The following KCNS1 variants were observed in gnomAD, a reference collection of about 807,000 sequenced individuals.
KCNS1 encodes the protein potassium voltage-gated channel modifier subfamily S member 1.
A neutral mutation model predicts 33.1 loss-of-function variants in KCNS1; 26 were observed. The observed-to-expected ratio is 0.79, with a 90% confidence interval of 0.58 to 1.09. The LOEUF (loss-of-function observed/expected upper bound fraction) is 1.09. KCNS1 is among the 50% of genes least tolerant of loss of function. The pLI is 0.00. For synonymous variants in KCNS1, 299 were observed against 338.8 expected (o/e 0.88, Z 1.29); for missense variants, 702 against 752.4 (o/e 0.93, Z 0.78).
rs1255848668 is a variant in KCNS1 at position 45,098,583 on chromosome 20, C to A, written c.189G>T (p.Leu63=). The A allele has an allele frequency of 1.3e-4, 178 of 1,385,760 alleles. 1 individual carries two copies. Among genetic ancestry groups the A allele is most frequent in the Non-Finnish European group, 1.6e-4 (173 of 1,066,708 alleles). The allele number at this position is 1,385,760 out of a possible 1,614,324, so 85.8% of individuals were successfully genotyped here. A position where few individuals can be genotyped will look rare whatever the true frequency, so the allele number is the denominator to read the frequency against. Reference sequence around the variant, plus strand: ...GGAAGCGCGCCAGGGCGCGCGCGCTCAGCTGCCGCCGCACGCCACCCACGT... The same window carrying A: ...GGAAGCGCGCCAGGGCGCGCGCGCTAAGCTGCCGCCGCACGCCACCCACGT... ...RVNVGGVRRQ[L]SARALARFPG... Residue 63 remains leucine, a synonymous_variant, in exon 3 of 4, where the codon CTG becomes CTT. Transcript: ENST00000537075. This position sits in a 1 kb window ranked among gnomAD's most constrained non-coding sequence, Gnocchi z 5.2.
Position 45,098,438 on chromosome 20 carries a change from G to C in KCNS1, c.334C>G (p.Leu112Val), listed in dbSNP as rs1302187480. 6.3e-7 allele frequency: 1 copy of C among 1,594,140 alleles called. No individual in the cohort carries two copies. Among genetic ancestry groups the C allele is most frequent in the Non-Finnish European group, 8.5e-7 (1 of 1,171,000 alleles). ...GTGCGGTAGAAGTGCAGCAGGCTCA[G>C]GAAGAAGCCCGGGTGCCGGTCGAAG... Reference protein sequence around the residue: ...FYFDRHPGFFLSLLHFYRTGH... With the variant: ...FYFDRHPGFFVSLLHFYRTGH... The change falls in exon 3 of 4, where the codon CTG becomes GTG. Residue 112 changes from leucine (L) to valine (V), a missense_variant. This residue lies in a region of KCNS1 where 374 missense variants were observed against 352.3 expected (regional missense o/e 1.06). Transcript: ENST00000537075. This position sits in a 1 kb window ranked among gnomAD's most constrained non-coding sequence, Gnocchi z 5.2.
chr20:45,098,664 G>A lies in KCNS1; in HGVS notation c.108C>T (p.Phe36=), dbSNP rs576341455. 5 of 1,459,850 alleles carry A rather than the reference G, an allele frequency of 3.4e-6. No homozygotes were observed. Among genetic ancestry groups the A allele is most frequent in the Non-Finnish European group, 2.7e-6 (3 of 1,108,348 alleles). 90.4% of individuals were successfully genotyped at this position (1,459,850 alleles called of 1,614,324 possible). ...AGCGGATCCCGGTGTCGGGGCCCGG[G>A]AACTCGCTCACAAAGGTTTCAGTGC... The part of the protein sequence containing the change: ...GRSTETFVSE[F]PGPDTGIRWR... Residue 36 remains phenylalanine, a synonymous_variant, in exon 3 of 4, where the codon TTC becomes TTT. Transcript: ENST00000537075. This position sits in a 1 kb window ranked among gnomAD's most constrained non-coding sequence, Gnocchi z 5.2.
At position 45,094,956 on chromosome 20, in the gene KCNS1, T is replaced by TAG; in HGVS notation, c.1494_1495insCT (p.Thr499LeufsTer15). The TAG allele has an allele frequency of 6.2e-7, 1 of 1,613,876 alleles. No individual in the cohort carries two copies. The highest frequency in any genetic ancestry group is 8.5e-7 in the Non-Finnish European group (1 of 1,179,974). On this transcript the variant is annotated frameshift_variant, in exon 4 of 4. Transcript: ENST00000537075. LOFTEE classifies it high-confidence loss of function. ...CCCTCCTGAGAGGTTTCTCGGGATG[T>TAG]CTCCAGAGATGCCTCCGACACCCCA... is the stretch of plus-strand genomic sequence containing the variant.
At position 45,097,860 on chromosome 20, in the gene KCNS1, C is replaced by T. The variant is rs761986486; in HGVS notation, c.912G>A (p.Pro304=). 1 of 1,612,846 alleles carries T rather than the reference C, an allele frequency of 6.2e-7. No homozygotes were observed. The highest frequency in any genetic ancestry group is 8.5e-7 in the Non-Finnish European group (1 of 1,179,688). ...APSTRNFFCH[P]LNLIDIVSVL... ...CAGACACAATGTCGATGAGGTTGAGCGGGTGGCAGAAGAAGTTGCGCGTAC... is the reference window on the plus strand; with the variant it reads ...CAGACACAATGTCGATGAGGTTGAGTGGGTGGCAGAAGAAGTTGCGCGTAC... Residue 304 remains proline, a synonymous_variant, in exon 3 of 4, where the codon CCG becomes CCA. Transcript: ENST00000537075.
chr20:45,097,562 ACGTT>A, intron 3 of KCNS1, 96 bp downstream of exon 3: 3 of 1,206,328 alleles, frequency 2.5e-6, no homozygotes, highest in African/African-American at 1.5e-5. Context: ...TCTCAGTTGA[ACGTT>A]AAGCCTGGAC....
chr20:45,094,659 G>T lies in KCNS1; in HGVS notation c.*211C>A, dbSNP rs1394291382. On this transcript the variant is annotated 3_prime_UTR_variant, in exon 4 of 4. Coordinates refer to ENST00000537075, the MANE Select transcript of KCNS1 (RefSeq NM_001322799.2). ...TGCTTCATGAATGGCTTGGAGGCAG[G>T]TTTATAAAGCTTTCTGAGTTGCTTG... The T allele has an allele frequency of 5.4e-6, 3 of 550,716 alleles. No individual in the cohort carries two copies. The highest frequency in any genetic ancestry group is 9.6e-6 in the Non-Finnish European group (3 of 311,450). The allele number at this position is 550,716 out of a possible 1,614,324, so 34.1% of individuals were successfully genotyped here.
chr20:45,098,071 A>T lies in KCNS1; in HGVS notation c.701T>A (p.Ile234Asn). ...CVSISVVLAS[I>N]AAMCIHSLPE... is the part of the protein sequence containing the mutation. Reference sequence around the variant, plus strand: ...CAGGCTGTGGATGCACATGGCGGCGATGGAGGCGAGCACCACGCTGATGGA... The same window carrying T: ...CAGGCTGTGGATGCACATGGCGGCGTTGGAGGCGAGCACCACGCTGATGGA... Residue 234 changes from isoleucine to asparagine, a missense_variant, in exon 3 of 4, where the codon ATC becomes AAC. By Grantham distance (149) the Ile-to-Asn change is moderately radical (BLOSUM62 -3). Transcript: ENST00000537075. This position sits in a 1 kb window ranked among gnomAD's most constrained non-coding sequence, Gnocchi z 5.2. 6.4e-7 allele frequency: 1 copy of T among 1,554,478 alleles called. No individual in the cohort carries two copies. The highest frequency in any genetic ancestry group is 1.2e-5 in the South Asian group (1 of 84,220).
At position 45,098,125 on chromosome 20, in the gene KCNS1, G is replaced by A; in HGVS notation, c.647C>T (p.Ser216Leu). Residue 216 changes from serine (S) to leucine (L), a missense_variant, in exon 3 of 4, where the codon TCG becomes TTG. Around this residue, in one of 3 missense-constraint regions of KCNS1, gnomAD observed 374 missense variants for 352.3 expected, o/e 1.06. Transcript: ENST00000537075. The surrounding 1 kb of genome is among the most constrained non-coding windows in gnomAD (Gnocchi z 5.2). Reference protein sequence around the residue: ...LWLTMENPGYSLPSKLFSCVS... With the variant: ...LWLTMENPGYLLPSKLFSCVS... ...GCAGCTGAAGAGCTTGCTCGGCAGC[G>A]AGTAGCCCGGGTTCTCCATGGTCAG... The A allele has an allele frequency of 1.2e-6, 2 of 1,601,568 alleles. No homozygotes were observed. Among genetic ancestry groups the A allele is most frequent in the Non-Finnish European group, 1.7e-6 (2 of 1,175,170 alleles).
rs768338518 is a variant in KCNS1 at position 45,091,361 on chromosome 20, G to T, written c.*3509C>A. ...CAGACTCTCTCCTGGGATTGGAACTGTGAGCAGGATGATACAGGGAAGGAA... is the reference window on the plus strand; with the variant it reads ...CAGACTCTCTCCTGGGATTGGAACTTTGAGCAGGATGATACAGGGAAGGAA... On this transcript the variant is annotated 3_prime_UTR_variant, in exon 4 of 4. Transcript: ENST00000537075. Among the ~76,000 whole-genome samples the T allele has an allele frequency of 1.3e-5, 2 of 152,192 alleles. No individual in the cohort carries two copies. Among genetic ancestry groups the T allele is most frequent in the African/African-American group, 2.4e-5 (1 of 41,446 alleles).
chr20:45,097,780 C>A lies in KCNS1; in HGVS notation c.992G>T (p.Gly331Val), dbSNP rs1481998374. The A allele has an allele frequency of 1.2e-6, 2 of 1,613,354 alleles. No individual in the cohort carries two copies. The highest frequency in any genetic ancestry group is 1.7e-6 in the Non-Finnish European group (2 of 1,179,946). Residue 331 changes from glycine to valine, a missense_variant, in exon 3 of 4, where the codon GGC becomes GTC. Transcript: ENST00000537075. ...CTTGCCCAGGTGGCCGAACTCCTTG[C>A]CGCCCTGGTCGCCCAGTGCCACACC... ...LAGVALGDQGGKEFGHLGKVV... is the reference protein window; with the variant it reads ...LAGVALGDQGVKEFGHLGKVV...
chr20:45,095,330 C>A lies in KCNS1; in HGVS notation c.1121G>T (p.Arg374Leu). ...SLGATLKHSY[R>L]EVGILLLYLA... Reference sequence around the variant, plus strand: ...GTACAGCAGCAAGATGCCCACCTCACGGTAGCTGTGCTGAAAGAGAATGTA... The same window carrying A: ...GTACAGCAGCAAGATGCCCACCTCAAGGTAGCTGTGCTGAAAGAGAATGTA... The change falls in exon 4 of 4, where the codon CGT (arginine) becomes CTT (leucine). Residue 374 changes from arginine to leucine, a missense_variant. By Grantham distance (102) the Arg-to-Leu change is moderately radical. Coordinates refer to ENST00000537075, the MANE Select transcript of KCNS1 (RefSeq NM_001322799.2). 6.2e-7 allele frequency: 1 copy of A among 1,612,092 alleles called. No individual in the cohort carries two copies. Among genetic ancestry groups the A allele is most frequent in the Non-Finnish European group, 8.5e-7 (1 of 1,178,962 alleles).
At position 45,094,537 on chromosome 20, in the gene KCNS1, C is replaced by CGG; in HGVS notation, c.*332_*333insCC. On this transcript the variant is annotated 3_prime_UTR_variant, in exon 4 of 4. Coordinates refer to ENST00000537075, the MANE Select transcript of KCNS1 (RefSeq NM_001322799.2). ...TCATCTGTGAAGTGGGGATAATTCT[C>CGG]TTTCTCCAACACAAGGCCAAACATG... 7.1e-5 allele frequency: 16 copies of CGG among 223,910 alleles called. No homozygotes were observed. The highest frequency in any genetic ancestry group is 2.1e-4 in the South Asian group (2 of 9,668). The allele number at this position is 223,910 out of a possible 1,614,324, so 13.9% of individuals were successfully genotyped here.
rs1175928901 is a variant in KCNS1, at chr20:45,099,809, T to G, written c.-3-570A>C. Among the ~76,000 whole-genome samples, 6 of 152,224 alleles carry G rather than the reference T, an allele frequency of 3.9e-5. No homozygotes were observed. In the East Asian group the frequency reaches 1.2e-3, roughly 29 times the overall value. On this transcript the variant is annotated intron_variant, in intron 1 of 3. Coordinates refer to ENST00000537075, the MANE Select transcript of KCNS1 (RefSeq NM_001322799.2). ...GGATTTAGGTTCTTCCACTACCCAC[T>G]GACTCCTGACTCTGCTGGAATTGGG... is the stretch of plus-strand genomic sequence containing the variant.
chr20:45,098,298 C>T lies in KCNS1; in HGVS notation c.474G>A (p.Glu158=). 6.3e-7 allele frequency: 1 copy of T among 1,579,844 alleles called. No homozygotes were observed. ...LAACCRARYL[E]RRLTQPHAWD... ...AGGCGTGCGGCTGGGTCAGCCGCCT[C>T]TCCAGGTAGCGCGCGCGGCAGCACG... is the stretch of plus-strand genomic sequence containing the variant. Residue 158 remains glutamate (E), a synonymous_variant, in exon 3 of 4, where the codon GAG becomes GAA. Transcript: ENST00000537075. This position sits in a 1 kb window ranked among gnomAD's most constrained non-coding sequence, Gnocchi z 5.2.
chr20:45,098,790 G>C lies in KCNS1; in HGVS notation c.77-95C>G. On this transcript the variant is annotated intron_variant, in intron 2 of 3. Transcript: ENST00000537075. The surrounding 1 kb of genome is among the most constrained non-coding windows in gnomAD (Gnocchi z 5.2). ...CCTCCTCCATCCAACCAGCCAAGGG[G>C]TGTTGGAGGCTGTGTGTGAAGCATC... 3.4e-6 allele frequency: 4 copies of C among 1,164,184 alleles called. No individual in the cohort carries two copies. The highest frequency in any genetic ancestry group is 4.4e-6 in the Non-Finnish European group (4 of 898,908). 72.1% of individuals were successfully genotyped at this position (1,164,184 alleles called of 1,614,324 possible).
intron 3 of KCNS1, among the ~76,000 whole-genome samples, chr20:45,096,937 C>T (rs997365849): frequency 2.0e-5 from 3 of 152,240 alleles, no homozygotes; most frequent in African/African-American, 4.8e-5. Context: ...CCTCGGCACA[C>T]GCCGTTCGCC....
Position 45,098,788 on chromosome 20 carries a change from G to T in KCNS1, c.77-93C>A. 1 of 1,159,718 alleles carries T rather than the reference G, an allele frequency of 8.6e-7. No homozygotes were observed. Among genetic ancestry groups the T allele is most frequent in the Non-Finnish European group, 1.1e-6 (1 of 898,438 alleles). 71.8% of individuals were successfully genotyped at this position (1,159,718 alleles called of 1,614,324 possible). ...CCCCTCCTCCATCCAACCAGCCAAG[G>T]GGTGTTGGAGGCTGTGTGTGAAGCA... On this transcript the variant is annotated intron_variant, in intron 2 of 3. Transcript: ENST00000537075. This position sits in a 1 kb window ranked among gnomAD's most constrained non-coding sequence, Gnocchi z 5.2.
At chr20:45,099,385 G>A (rs1252643061) in intron 1 of KCNS1, 146 bp from the exon 2 acceptor site, 2 of 638,342 alleles carry the variant, frequency 3.1e-6, no homozygotes, top group African/African-American at 3.6e-5. Flanking sequence ...TCCTGCTTTA[G>A]ATTATGTAAA....
In KCNS1 at chr20:45,097,737, G is replaced by A. The variant is rs1168358876; in HGVS notation, c.1035C>T (p.Arg345=). 1 of 1,612,808 alleles carries A rather than the reference G, an allele frequency of 6.2e-7. No homozygotes were observed. Among genetic ancestry groups the A allele is most frequent in the South Asian group, 1.1e-5 (1 of 91,058 alleles). Reference sequence around the variant, plus strand: ...TGAGTACGCGGAAGATGCGCATGAGGCGGAACACCTGCACCACCTTGCCCA... The same window carrying A: ...TGAGTACGCGGAAGATGCGCATGAGACGGAACACCTGCACCACCTTGCCCA... ...GHLGKVVQVF[R]LMRIFRVLKL... is the part of the protein sequence containing the mutation. Residue 345 remains arginine (R), a synonymous_variant, in exon 3 of 4, where the codon CGC becomes CGT. Coordinates refer to ENST00000537075, the MANE Select transcript of KCNS1 (RefSeq NM_001322799.2).
Sources: allele counts gnomAD v4.1 joint callset (sites outside exome capture counted in the v4.1 genomes callset), GRCh38; gene constraint gnomAD v4.1.1; regional missense constraint gnomAD v4.1.1; non-coding constraint Gnocchi (gnomAD v3.1); transcripts MANE v1.5; gene names NCBI Gene and HGNC (gene_info 2026-07-23, HGNC 2026-07-21).